The following PLXDC2 variants were observed in gnomAD, a reference collection of about 807,000 sequenced individuals.
PLXDC2 encodes plexin domain-containing protein 2.
PLXDC2 carries 40 observed loss-of-function variants against 68.9 expected under a neutral mutation model. That is an observed-to-expected ratio of 0.58 (90% confidence interval 0.45 to 0.76). The LOEUF is 0.76. PLXDC2 is among the 30% of genes least tolerant of loss of function. The pLI is 0.00. For missense variants in PLXDC2, 644 were observed against 661.9 expected, an observed-to-expected ratio of 0.97 and a Z score of 0.30; for synonymous variants, 243 against 234.2, an observed-to-expected ratio of 1.04 and a Z score of -0.34.
chr10:19,878,205 A>ATT (rs372112018), intron 1 of PLXDC2, among the ~76,000 whole-genome samples: 2 of 147,634 alleles, frequency 1.4e-5, no homozygotes, highest in Non-Finnish European at 1.5e-5. Flanking sequence ...CAGACTCTTG[A>ATT]TTTTTTTTTT....
chr10:20,156,176 A>T (rs1834214482), intron 6 of PLXDC2, among the ~76,000 whole-genome samples: 1 of 152,100 alleles, frequency 6.6e-6, no homozygotes, highest in African/African-American at 2.4e-5. Context: ...TAAAATCCAC[A>T]CCAGAGTCTT....
At chr10:20,028,013 C>T (rs1483970226) in intron 2 of PLXDC2, among the ~76,000 whole-genome samples, 1 of 152,178 alleles carries the variant, frequency 6.6e-6, no homozygotes, top group Non-Finnish European at 1.5e-5. Flanking sequence ...TCTAAATTGA[C>T]AGAAGTGAAA....
chr10:20,213,683 G>C (rs1373980026), intron 10 of PLXDC2, among the ~76,000 whole-genome samples: 1 of 151,972 alleles, frequency 6.6e-6, no homozygotes, highest in Non-Finnish European at 1.5e-5. Flanking sequence ...GACTAATTGA[G>C]TCATCATCAG....
intron 12 of PLXDC2, among the ~76,000 whole-genome samples, chr10:20,234,621 C>T (rs1293185715): frequency 1.3e-5 from 2 of 149,624 alleles, no homozygotes; most frequent in Non-Finnish European, 3.0e-5. Flanking sequence ...ATTCAAAGCT[C>T]TACCGAGCTG....
intron 1 of PLXDC2, among the ~76,000 whole-genome samples, chr10:19,975,833 A>T (rs1440284948): frequency 1.3e-5 from 2 of 151,748 alleles, no homozygotes; most frequent in South Asian, 4.2e-4. Context: ...GTAAAACCCC[A>T]TCTCCACTAA....
At chr10:19,833,440 T>C (rs1034599043) in intron 1 of PLXDC2, among the ~76,000 whole-genome samples, 3 of 152,200 alleles carry the variant, frequency 2.0e-5, no homozygotes, top group Non-Finnish European at 4.4e-5. Context: ...CACTCACTCA[T>C]TGATAGCCTA....
At chr10:20,260,546 T>A (rs559586219) in intron 13 of PLXDC2, among the ~76,000 whole-genome samples, 1 of 152,342 alleles carries the variant, frequency 6.6e-6, no homozygotes, top group Admixed American at 6.5e-5. Context: ...TAAGGCTGAA[T>A]AGTATTTCAT....
Position 20,217,587 on chromosome 10 carries a change from GA to G in PLXDC2, c.1273+12del. 1 of 545,384 alleles carries G rather than the reference GA, an allele frequency of 1.8e-6. No homozygotes were observed. The highest frequency in any genetic ancestry group is 3.0e-6 in the Non-Finnish European group (1 of 333,142). 33.8% of individuals were successfully genotyped at this position (545,384 alleles called of 1,614,324 possible). A position where few individuals can be genotyped will look rare whatever the true frequency, so the allele number is the denominator to read the frequency against. The stretch of plus-strand genomic sequence containing the variant: ...GCCTCCCTACAGAAGGTACCCAAGA[GA>G]TAGTTTGCTTTTTTTTTTTTTTTTT... On this transcript the variant is annotated intron_variant, in intron 11 of 13. Coordinates refer to ENST00000377252, the MANE Select transcript of PLXDC2 (RefSeq NM_032812.9).
chr10:19,987,175 C>A (rs1381628909), intron 1 of PLXDC2, among the ~76,000 whole-genome samples: 1 of 152,160 alleles, frequency 6.6e-6, no homozygotes, highest in Non-Finnish European at 1.5e-5. Context: ...AGAGAGATGA[C>A]CCCTGACCCA....
At chr10:20,229,790 A>G (rs1446290567) in intron 12 of PLXDC2, among the ~76,000 whole-genome samples, 1 of 152,236 alleles carries the variant, frequency 6.6e-6, no homozygotes, top group African/African-American at 2.4e-5. Context: ...TAATTATCTG[A>G]AACTAATTTG....
intron 1 of PLXDC2, among the ~76,000 whole-genome samples, chr10:19,995,266 C>T (rs566123986): frequency 6.6e-6 from 1 of 152,038 alleles, no homozygotes; most frequent in Non-Finnish European, 1.5e-5. Context: ...CAAAAGGAGA[C>T]AAAGCAAAAT....
At chr10:19,956,775 C>T (rs763870291) in intron 1 of PLXDC2, among the ~76,000 whole-genome samples, 3 of 152,140 alleles carry the variant, frequency 2.0e-5, no homozygotes, top group African/African-American at 4.8e-5. Context: ...TACATACTAG[C>T]GTTGTCTAAA....
At chr10:20,054,409 A>C (rs1589607149) in intron 3 of PLXDC2, among the ~76,000 whole-genome samples, 1 of 151,934 alleles carries the variant, frequency 6.6e-6, no homozygotes, top group Non-Finnish European at 1.5e-5. Context: ...GGATGGATGG[A>C]TGGATGGATG....
chr10:19,844,596 A>G (rs1400581958), intron 1 of PLXDC2, among the ~76,000 whole-genome samples: 1 of 136,460 alleles, frequency 7.3e-6, no homozygotes, highest in Non-Finnish European at 1.7e-5. Flanking sequence ...ATTTTTCAAT[A>G]TTTTTTTTTC....
At chr10:19,841,028 G>T (rs1334218484) in intron 1 of PLXDC2, among the ~76,000 whole-genome samples, 11 of 152,118 alleles carry the variant, frequency 7.2e-5, no homozygotes, top group Admixed American at 5.9e-4. Flanking sequence ...CAGCTGTCTA[G>T]AATAGGCATT....
At chr10:20,140,305 AT>A (rs1207359048) in intron 4 of PLXDC2, among the ~76,000 whole-genome samples, 31 of 151,926 alleles carry the variant, frequency 2.0e-4, no homozygotes, top group African/African-American at 6.5e-4. Context: ...TCTCAAAAAA[AT>A]AAAAATATAA....
intron 4 of PLXDC2, among the ~76,000 whole-genome samples, chr10:20,131,274 GTA>G (rs1833864276): frequency 6.6e-6 from 1 of 151,266 alleles, no homozygotes. Context: ...GTGGTAATAT[GTA>G]TGTTTCCAGA....
At chr10:20,085,153 C>G (rs563930694) in intron 4 of PLXDC2, among the ~76,000 whole-genome samples, 1 of 128,736 alleles carries the variant, frequency 7.8e-6, no homozygotes, top group Admixed American at 7.9e-5. Flanking sequence ...GTACCAAGCT[C>G]TCATCTGTGT....
rs371477491 is a variant in PLXDC2 at position 20,029,391 on chromosome 10, ATGTAAAAGAAATGCT to A, written c.325-17470_325-17456del. Among the ~76,000 whole-genome samples, 561 of 152,154 alleles carry A rather than the reference ATGTAAAAGAAATGCT, an allele frequency of 3.7e-3. 2 individuals are homozygous for A. Among genetic ancestry groups the A allele is most frequent in the Middle Eastern group, 0.014 (4 of 294 alleles). On this transcript the variant is annotated intron_variant, in intron 2 of 13. Coordinates refer to ENST00000377252, the MANE Select transcript of PLXDC2 (RefSeq NM_032812.9). ...ATACTTGTTAACTTAAATGCATGAC[ATGTAAAAGAAATGCT>A]TGTAAAAAAAATAGGCGATTTGACG...
Sources: allele counts gnomAD v4.1 joint callset (sites outside exome capture counted in the v4.1 genomes callset), GRCh38; gene constraint gnomAD v4.1.1; transcripts MANE v1.5; gene names NCBI Gene and HGNC (gene_info 2026-07-23, HGNC 2026-07-21).